APBB1: variants seen among roughly 807,000 people sequenced by gnomAD.
The protein encoded by APBB1 is adaptor protein FE65a2.
A neutral mutation model predicts 78.4 loss-of-function variants in APBB1; 22 were observed. That is an observed-to-expected ratio of 0.28 (90% CI 0.20 to 0.40). APBB1 has a LOEUF of 0.40. APBB1 is among the 10% of genes least tolerant of loss of function. APBB1 has a pLI of 1.00. For missense variants in APBB1, 749 were observed against 932.4 expected (o/e 0.80, Z 2.56); for synonymous variants, 369 against 372.7 (o/e 0.99, Z 0.12).
chr11:6,402,903 C>G (rs1189567442), intron 6 of APBB1, 178 bp from the exon 7 acceptor site: 3 of 835,758 alleles, frequency 3.6e-6, no homozygotes, highest in Non-Finnish European at 3.6e-6. Flanking sequence ...CAGATGAGAC[C>G]CCAGCTAGTA....
Position 6,411,434 on chromosome 11 carries a change from G to A in APBB1, c.-14-73C>T. The A allele has an allele frequency of 7.3e-7, 1 of 1,369,782 alleles. No individual in the cohort carries two copies. Among genetic ancestry groups the A allele is most frequent in the Non-Finnish European group, 9.9e-7 (1 of 1,013,688 alleles). The allele number at this position is 1,369,782 out of a possible 1,614,324, so 84.9% of individuals were successfully genotyped here. On this transcript the variant is annotated intron_variant, in intron 1 of 14. Coordinates refer to ENST00000609360, the MANE Select transcript of APBB1 (RefSeq NM_001164.5). The surrounding 1 kb of genome is among the most constrained non-coding windows in gnomAD (Gnocchi z 5.2). ...GCAGCATCACTGCTTCTGCCCCAGG[G>A]CTATGCCCTGTGCCTCCTCATCTCC...
intron 2 of APBB1, among the ~76,000 whole-genome samples, chr11:6,408,629 C>A (rs56400934): frequency 9.2e-5 from 14 of 152,074 alleles, no homozygotes; most frequent in Non-Finnish European, 4.4e-5. Context: ...CTCAACCTCC[C>A]GAGTAGCTGG....
rs376772322 is a variant in APBB1 at position 6,411,389 on chromosome 11, T to G, written c.-14-28A>C. Reference sequence around the variant, plus strand: ...GTGGGGTGCGGAGGGGAGATGCTGTTGAGCCTCTGGTCCAGAACAGCAGCA... The same window carrying G: ...GTGGGGTGCGGAGGGGAGATGCTGTGGAGCCTCTGGTCCAGAACAGCAGCA... On this transcript the variant is annotated intron_variant, in intron 1 of 14. Transcript: ENST00000609360. The surrounding 1 kb of genome is among the most constrained non-coding windows in gnomAD (Gnocchi z 5.2). The G allele has an allele frequency of 1.1e-5, 16 of 1,509,192 alleles. No homozygotes were observed. The African/African-American group carries it at 2.0e-4, about 18-fold the overall frequency. 93.5% of individuals were successfully genotyped at this position (1,509,192 alleles called of 1,614,324 possible).
chr11:6,403,616 G>A lies in APBB1; in HGVS notation c.897+31C>T. 6.2e-7 allele frequency: 1 copy of A among 1,612,936 alleles called. No individual in the cohort carries two copies. Among genetic ancestry groups the A allele is most frequent in the Non-Finnish European group, 8.5e-7 (1 of 1,179,150 alleles). On this transcript the variant is annotated intron_variant, in intron 3 of 14. Coordinates refer to ENST00000609360, the MANE Select transcript of APBB1 (RefSeq NM_001164.5). The surrounding 1 kb of genome is among the most constrained non-coding windows in gnomAD (Gnocchi z 5.3). ...AGCAGCACACACTCCCTCCACCCCT[G>A]GCCCAAAATCAACAGGCCTGTGAGC...
chr11:6,395,768 A>G lies in APBB1; in HGVS notation c.1965+18T>C, dbSNP rs767046775. The stretch of plus-strand genomic sequence containing the variant: ...CATGGGGCCACGCCACCACCACACC[A>G]CCCTACTAGTAGCTTACCATGCACG... On this transcript the variant is annotated intron_variant, in intron 14 of 14. Transcript: ENST00000609360. The surrounding 1 kb of genome is among the most constrained non-coding windows in gnomAD (Gnocchi z 5.2). The G allele has an allele frequency of 6.8e-6, 11 of 1,606,984 alleles. 1 individual carries two copies. In the South Asian group the frequency reaches 9.9e-5, roughly 15 times the overall value.
chr11:6,408,588 T>C (rs1486483667), intron 2 of APBB1, among the ~76,000 whole-genome samples: 1 of 150,870 alleles, frequency 6.6e-6, no homozygotes, highest in Admixed American at 6.6e-5. Flanking sequence ...CACCACAACC[T>C]CTGTCTCCCG....
At position 6,402,145 on chromosome 11, in the gene APBB1, G is replaced by C. The variant is rs201361208; in HGVS notation, c.1319C>G (p.Ala440Gly). 34 of 1,614,110 alleles carry C rather than the reference G, an allele frequency of 2.1e-5. 1 individual carries two copies. The Admixed American group carries it at 5.5e-4, about 26-fold the overall frequency. Residue 440 changes from alanine to glycine, a missense_variant, in exon 8 of 15, where the codon GCA becomes GGA. This residue lies in a region of APBB1 where 635 missense variants were observed against 765.0 expected (regional missense o/e 0.83). Coordinates refer to ENST00000609360, the MANE Select transcript of APBB1 (RefSeq NM_001164.5). ...GATGATGGGTTGGGCGTGCAGCAGT[G>C]CCTGGCTCTGTGGCTCCACTAGCTT... ...TLKLVEPQSQ[A>G]LLHAQPIISI...
At chr11:6,418,903 G>A (rs1849187721) in intron 1 of APBB1, 82 bp downstream of exon 1, 2 of 371,502 alleles carry the variant, frequency 5.4e-6, no homozygotes, top group East Asian at 3.9e-5. Flanking sequence ...GGCTGCCGCA[G>A]GGTAGGGGCT....
chr11:6,405,313 G>C, intron 2 of APBB1: 1 of 988,140 alleles, frequency 1.0e-6, no homozygotes, highest in Non-Finnish European at 1.2e-6. Context: ...CCCAAGGGTG[G>C]GCTTTGAGGT....
In APBB1 at chr11:6,402,685, T is replaced by C. The variant is rs1399669640; in HGVS notation, c.1145A>G (p.Glu382Gly). 6.2e-7 allele frequency: 1 copy of C among 1,614,144 alleles called. No individual in the cohort carries two copies. Among genetic ancestry groups the C allele is most frequent in the East Asian group, 2.2e-5 (1 of 44,878 alleles). The change falls in exon 7 of 15, where the codon GAG (glutamate) becomes GGG (glycine). Residue 382 changes from glutamate to glycine, a missense_variant. Around this residue, in one of 3 missense-constraint regions of APBB1, gnomAD observed 635 missense variants for 765.0 expected, o/e 0.83. Transcript: ENST00000609360. ...GCTGCGTCCAGGGGCCAGCTCCTCC[T>C]CGGTCATCTCTACCCAGCCTAGGGA... ...VRSLGWVEMTEEELAPGRSSV... is the reference protein window; with the variant it reads ...VRSLGWVEMTGEELAPGRSSV...
At chr11:6,402,474 C>A (rs1485722630) in intron 7 of APBB1, 102 bp downstream of exon 7, 3 of 1,345,452 alleles carry the variant, frequency 2.2e-6, no homozygotes, top group Admixed American at 3.6e-5. Context: ...GGCCAATATC[C>A]CCCTTCCCCA....
chr11:6,395,942 C>A lies in APBB1; in HGVS notation c.1809G>T (p.Glu603Asp). The change falls in exon 14 of 15, where the codon GAG (glutamate) becomes GAT (aspartate). Residue 603 changes from glutamate (E) to aspartate (D), a missense_variant. Glu to Asp is a conservative substitution (Grantham distance 45). This residue lies in a region of APBB1 where 18 missense variants were observed against 51.4 expected (regional missense o/e 0.35). Transcript: ENST00000609360. The surrounding 1 kb of genome is among the most constrained non-coding windows in gnomAD (Gnocchi z 5.2). ...LHQQTEAVLG[E>D]CRVRFLSFLA... ...GGAAGGAGAGGAAACGCACCCGACA[C>A]TCTCCCAGCACTGCCTCTGTCTGCA... The A allele has an allele frequency of 6.2e-7, 1 of 1,613,992 alleles. No individual in the cohort carries two copies. Among genetic ancestry groups the A allele is most frequent in the Non-Finnish European group, 8.5e-7 (1 of 1,179,952 alleles).
At chr11:6,396,633 A>T (rs1006657140) in intron 12 of APBB1, 3 of 205,928 alleles carry the variant, frequency 1.5e-5, no homozygotes, top group African/African-American at 2.4e-5. Context: ...TTTTTAAGAT[A>T]TCTATCTGAG....
Position 6,401,173 on chromosome 11 carries a change from C to T in APBB1, c.1589-101G>A. The stretch of plus-strand genomic sequence containing the variant: ...GGACACTTGCCCAGCCGAGGCCCTA[C>T]TTTCATCTCGTCCCCTGCCTCCCTT... On this transcript the variant is annotated intron_variant, in intron 11 of 14. Coordinates refer to ENST00000609360, the MANE Select transcript of APBB1 (RefSeq NM_001164.5). The surrounding 1 kb of genome is among the most constrained non-coding windows in gnomAD (Gnocchi z 4.5). 10 of 1,612,714 alleles carry T rather than the reference C, an allele frequency of 6.2e-6. No individual in the cohort carries two copies. The highest frequency in any genetic ancestry group is 7.6e-6 in the Non-Finnish European group (9 of 1,179,236).
rs544637267 is a variant in APBB1 at position 6,395,493 on chromosome 11, G to C, written c.*41C>G. ...CCTGACCCACACCCTTTAGTTCCCT[G>C]GGGCCCAACACAAGCAGGTGGAGGG... On this transcript the variant is annotated 3_prime_UTR_variant, in exon 15 of 15. Transcript: ENST00000609360. The surrounding 1 kb of genome is among the most constrained non-coding windows in gnomAD (Gnocchi z 5.2). 6.7e-7 allele frequency: 1 copy of C among 1,502,592 alleles called. No homozygotes were observed. The highest frequency in any genetic ancestry group is 2.3e-5 in the East Asian group (1 of 43,330). 93.1% of individuals were successfully genotyped at this position (1,502,592 alleles called of 1,614,324 possible).
At position 6,415,638 on chromosome 11, in the gene APBB1, G is replaced by A. The variant is rs2634190; in HGVS notation, c.-15+3347C>T. On this transcript the variant is annotated intron_variant, in intron 1 of 14. Transcript: ENST00000609360. ...GGACATAACTCTCCATTGGCCACCCGTCTCAGAGGCTGATCTCCCCTCCTG... is the reference window on the plus strand; with the variant it reads ...GGACATAACTCTCCATTGGCCACCCATCTCAGAGGCTGATCTCCCCTCCTG... Among the ~76,000 whole-genome samples the A allele has an allele frequency of 6.2e-4, 95 of 152,032 alleles. 2 individuals carry two copies. The South Asian group carries it at 0.018, about 28-fold the overall frequency.
chr11:6,396,342 T>G (rs1848220919), intron 12 of APBB1, 127 bp from the exon 13 acceptor site: 1 of 759,926 alleles, frequency 1.3e-6, no homozygotes, highest in Non-Finnish European at 2.1e-6. Context: ...CAGCCTACAT[T>G]TTGGACAACG....
chr11:6,396,274 C>G (rs1034952239), intron 12 of APBB1, 59 bp from the exon 13 acceptor site: 1 of 1,426,682 alleles, frequency 7.0e-7, no homozygotes, highest in Non-Finnish European at 9.5e-7. Flanking sequence ...CCAGCTCTAC[C>G]CTGGACCTCT....
rs768600677 is a variant in APBB1 at position 6,403,470 on chromosome 11, G to A, written c.954+18C>T. On this transcript the variant is annotated intron_variant, in intron 4 of 14. Coordinates refer to ENST00000609360, the MANE Select transcript of APBB1 (RefSeq NM_001164.5). The surrounding 1 kb of genome is among the most constrained non-coding windows in gnomAD (Gnocchi z 5.3). ...CCTCCTCCAGCTATCCCGTGGTAAAGCAGGTCCCCTTACCCACCTTCCAAA... is the reference window on the plus strand; with the variant it reads ...CCTCCTCCAGCTATCCCGTGGTAAAACAGGTCCCCTTACCCACCTTCCAAA... The A allele has an allele frequency of 6.2e-7, 1 of 1,614,204 alleles. No individual in the cohort carries two copies. The highest frequency in any genetic ancestry group is 8.5e-7 in the Non-Finnish European group (1 of 1,180,020).
Sources: allele counts gnomAD v4.1 joint callset (sites outside exome capture counted in the v4.1 genomes callset), GRCh38; gene constraint gnomAD v4.1.1; regional missense constraint gnomAD v4.1.1; non-coding constraint Gnocchi (gnomAD v3.1); transcripts MANE v1.5; gene names NCBI Gene and HGNC (gene_info 2026-07-23, HGNC 2026-07-21).